Variants in USP3 observed in about 807,000 individuals in gnomAD.
USP3 encodes ubiquitin carboxyl-terminal hydrolase 3.
A neutral mutation model predicts 72.3 loss-of-function variants in USP3; 20 were observed. The ratio of observed to expected loss-of-function variants is 0.28; its 90% CI spans 0.19 to 0.40. The LOEUF (loss-of-function observed/expected upper bound fraction) is 0.40. USP3 is among the 10% of genes least tolerant of loss of function. USP3 has a pLI of 1.00. For missense variants in USP3, 479 were observed against 633.9 expected (o/e 0.76, Z 2.62); for synonymous variants, 222 against 225.3 (o/e 0.99, Z 0.13).
intron 1 of USP3, among the ~76,000 whole-genome samples, chr15:63,508,688 A>G (rs187004401): frequency 6.6e-6 from 1 of 152,332 alleles, no homozygotes; most frequent in East Asian, 1.9e-4. Context: ...CAGTGGGAAA[A>G]AACAAAAATT....
intron 1 of USP3, among the ~76,000 whole-genome samples, chr15:63,513,470 C>T (rs1308057806): frequency 6.6e-6 from 1 of 152,158 alleles, no homozygotes; most frequent in Non-Finnish European, 1.5e-5. Context: ...GCCTGGAACT[C>T]GCGGGCTTAA....
At chr15:63,565,644 G>A (rs1334506488) in intron 8 of USP3, among the ~76,000 whole-genome samples, 1 of 152,042 alleles carries the variant, frequency 6.6e-6, no homozygotes, top group South Asian at 2.1e-4. Flanking sequence ...GTGTGTGTGT[G>A]TTTATGTCAT....
intron 3 of USP3, among the ~76,000 whole-genome samples, chr15:63,547,963 A>G (rs1166350481): frequency 6.7e-6 from 1 of 149,938 alleles, no homozygotes; most frequent in Non-Finnish European, 1.5e-5. Flanking sequence ...GAGTTAAACA[A>G]TTAGCCAAGC....
intron 6 of USP3, 93 bp from the exon 7 acceptor site, chr15:63,559,764 G>A (rs1330496800): frequency 5.0e-6 from 5 of 998,182 alleles, no homozygotes; most frequent in Non-Finnish European, 5.8e-6. Flanking sequence ...ATTGAAAAAT[G>A]GCAGTTTCAA....
Position 63,567,810 on chromosome 15 carries a change from T to G in USP3, c.762-2623T>G, listed in dbSNP as rs537211307. ...CATTTTTTATTGGAACATTTATTTGTCTTTAAGATTTGGGGAAATTTGGTT... is the reference window on the plus strand; with the variant it reads ...CATTTTTTATTGGAACATTTATTTGGCTTTAAGATTTGGGGAAATTTGGTT... On this transcript the variant is annotated intron_variant, in intron 8 of 14. Coordinates refer to ENST00000380324, the MANE Select transcript of USP3 (RefSeq NM_006537.4). Among the ~76,000 whole-genome samples, 9 of 152,322 alleles carry G rather than the reference T, an allele frequency of 5.9e-5. No individual in the cohort carries two copies. In the East Asian group the frequency reaches 1.7e-3, roughly 29 times the overall value.
chr15:63,532,994 A>C (rs1198856133), intron 2 of USP3, among the ~76,000 whole-genome samples: 2 of 152,202 alleles, frequency 1.3e-5, no homozygotes, highest in Non-Finnish European at 2.9e-5. Context: ...GGAATTCTTG[A>C]AGTACAAATT....
In USP3 at chr15:63,558,145, T is replaced by C. The variant is rs745597862; in HGVS notation, c.490T>C (p.Leu164=). 6.2e-7 allele frequency: 1 copy of C among 1,614,108 alleles called. No homozygotes were observed. Among genetic ancestry groups the C allele is most frequent in the East Asian group, 2.2e-5 (1 of 44,876 alleles). The change falls in exon 6 of 15, where the codon TTG becomes CTG. Residue 164 remains leucine (L), a synonymous_variant. Coordinates refer to ENST00000380324, the MANE Select transcript of USP3 (RefSeq NM_006537.4). Reference sequence around the variant, plus strand: ...CATTTGTGCCACAGGCCTTCGGAATTTGGGGAACACATGTTTCATGAATGC... The same window carrying C: ...CATTTGTGCCACAGGCCTTCGGAATCTGGGGAACACATGTTTCATGAATGC... The part of the protein sequence containing the change: ...TAICATGLRN[L]GNTCFMNAIL...
At chr15:63,531,109 A>C (rs1349483258) in intron 1 of USP3, among the ~76,000 whole-genome samples, 2 of 152,202 alleles carry the variant, frequency 1.3e-5, no homozygotes, top group Non-Finnish European at 2.9e-5. Context: ...TTCATGTTCA[A>C]AACTAAAGTT....
intron 6 of USP3, among the ~76,000 whole-genome samples, chr15:63,559,192 A>G (rs1291047355): frequency 6.6e-6 from 1 of 152,238 alleles, no homozygotes; most frequent in Non-Finnish European, 1.5e-5. Flanking sequence ...AATCAAGGTC[A>G]TAAGATGAGA....
At position 63,553,127 on chromosome 15, in the gene USP3, G is replaced by A. The variant is rs1325410560; in HGVS notation, c.285-588G>A. On this transcript the variant is annotated intron_variant, in intron 3 of 14. Coordinates refer to ENST00000380324, the MANE Select transcript of USP3 (RefSeq NM_006537.4). The surrounding 1 kb of genome is among the most constrained non-coding windows in gnomAD (Gnocchi z 4.2). ...ACTTATCAGTTGCCTGAATGATATA[G>A]CCACTATTTTATACTTTTGTTTTGT... Among the ~76,000 whole-genome samples, 3 of 152,118 alleles carry A rather than the reference G, an allele frequency of 2.0e-5. No individual in the cohort carries two copies. The highest frequency in any genetic ancestry group is 4.4e-5 in the Non-Finnish European group (3 of 68,032).
chr15:63,582,102 G>A (rs2066974042), intron 11 of USP3, among the ~76,000 whole-genome samples: 1 of 152,116 alleles, frequency 6.6e-6, no homozygotes, highest in African/African-American at 2.4e-5. Flanking sequence ...CAGACATACT[G>A]TAGTTCAGAA....
At chr15:63,577,871 A>G (rs2066889881) in intron 11 of USP3, among the ~76,000 whole-genome samples, 1 of 151,376 alleles carries the variant, frequency 6.6e-6, no homozygotes, top group African/African-American at 2.4e-5. Flanking sequence ...TGGAGGCTGC[A>G]TTGAGCCTGC....
At chr15:63,543,096 A>G (rs564288801) in intron 3 of USP3, among the ~76,000 whole-genome samples, 3 of 152,296 alleles carry the variant, frequency 2.0e-5, no homozygotes, top group African/African-American at 7.2e-5. Context: ...AAGCAAAAAT[A>G]TTCAACAGAA....
chr15:63,577,064 A>AC (rs1410609132), intron 11 of USP3, among the ~76,000 whole-genome samples: 1 of 152,210 alleles, frequency 6.6e-6, no homozygotes, highest in African/African-American at 2.4e-5. Context: ...GGTGAGAAAG[A>AC]CCCATCTTAA....
intron 3 of USP3, among the ~76,000 whole-genome samples, chr15:63,539,475 A>G (rs142745502): frequency 2.0e-5 from 3 of 152,338 alleles, no homozygotes; most frequent in African/African-American, 7.2e-5. Context: ...ATGGAATGGA[A>G]TTATATTCAA....
intron 1 of USP3, among the ~76,000 whole-genome samples, chr15:63,521,110 C>T (rs1310667086): frequency 6.7e-6 from 1 of 148,880 alleles, no homozygotes; most frequent in African/African-American, 2.5e-5. Flanking sequence ...TTTTCCCTCA[C>T]AAAAGATAGC....
At chr15:63,508,117 A>G (rs1175278483) in intron 1 of USP3, among the ~76,000 whole-genome samples, 1 of 152,162 alleles carries the variant, frequency 6.6e-6, no homozygotes, top group Non-Finnish European at 1.5e-5. Flanking sequence ...AATGACTGTA[A>G]ACAAAAGTAA....
intron 11 of USP3, among the ~76,000 whole-genome samples, chr15:63,581,623 C>T (rs2066965341): frequency 6.8e-6 from 1 of 146,600 alleles, no homozygotes; most frequent in Non-Finnish European, 1.5e-5. Flanking sequence ...TCTCAAACTC[C>T]TGACCTCATG....
intron 1 of USP3, among the ~76,000 whole-genome samples, chr15:63,507,590 G>A (rs895766048): frequency 2.0e-5 from 3 of 152,156 alleles, no homozygotes; most frequent in Admixed American, 6.5e-5. Context: ...GAACAGACTG[G>A]CTTTATGCTG....
Sources: allele counts gnomAD v4.1 joint callset (sites outside exome capture counted in the v4.1 genomes callset), GRCh38; gene constraint gnomAD v4.1.1; non-coding constraint Gnocchi (gnomAD v3.1); transcripts MANE v1.5; gene names NCBI Gene and HGNC (gene_info 2026-07-23, HGNC 2026-07-21).